PCDHA3: variants seen among roughly 807,000 people sequenced by gnomAD.
PCDHA3 encodes protocadherin alpha 3.
PCDHA3 carries 41 observed loss-of-function variants against 62.2 expected under a neutral mutation model. That is an observed-to-expected ratio of 0.66 (90% CI 0.51 to 0.86). PCDHA3 has a LOEUF of 0.86. Ranked by LOEUF, PCDHA3 falls within the 40% of genes least tolerant of loss-of-function variation. The probability of loss-of-function intolerance (pLI) is 0.00; values close to 1 mark genes in which losing one functional copy is unlikely to be tolerated. For synonymous variants in PCDHA3, 640 were observed against 555.4 expected, an observed-to-expected ratio of 1.15 and a Z score of -2.14; for missense variants, 1,304 against 1,241.2, an observed-to-expected ratio of 1.05 and a Z score of -0.76.
rs148144382 is a variant in PCDHA3 at position 140,914,978 on chromosome 5, G to C, written c.2395-63971G>C. On this transcript the variant is annotated intron_variant, in intron 1 of 3. Coordinates refer to ENST00000522353, the MANE Select transcript of PCDHA3 (RefSeq NM_018906.3). ...TTTTTTTTTTCTGAGTCAGAGTCTT[G>C]CTCTGCTACCAGGCTGGAGTGCAGT... Among the ~76,000 whole-genome samples the C allele has an allele frequency of 8.9e-3, 1,161 of 130,768 alleles. 6 individuals are homozygous for C. Among genetic ancestry groups the C allele is most frequent in the African/African-American group, 0.022 (758 of 34,950 alleles). 85.8% of individuals were successfully genotyped at this position (130,768 alleles called of 152,430 possible).
intron 1 of PCDHA3, chr5:140,967,766 T>C: frequency 6.2e-7 from 1 of 1,614,218 alleles, no homozygotes; most frequent in Non-Finnish European, 8.5e-7. Flanking sequence ...CTACCAGATC[T>C]ATGTGCAGGC....
At chr5:140,870,438 C>A in intron 1 of PCDHA3, 1 of 1,614,178 alleles carries the variant, frequency 6.2e-7, no homozygotes, top group Non-Finnish European at 8.5e-7. Context: ...TGGAGGTGGC[C>A]GACGTGAACG....
chr5:140,833,056 T>C (rs2150205806), intron 1 of PCDHA3, among the ~76,000 whole-genome samples: 1 of 152,172 alleles, frequency 6.6e-6, no homozygotes, highest in East Asian at 1.9e-4. Flanking sequence ...AAAAGTAATA[T>C]GAGAAAAACC....
At position 141,010,088 on chromosome 5, in the gene PCDHA3, C is replaced by T. The variant is rs1165296922; in HGVS notation, c.*151C>T. ...GAAAGTTCCCTGTGTCTGTCTAGAA[C>T]GCATTTAACAGGTTTTGTCGTAAAA... On this transcript the variant is annotated 3_prime_UTR_variant, in exon 4 of 4. Transcript: ENST00000522353. 2.0e-5 allele frequency: 33 copies of T among 1,612,012 alleles called. No homozygotes were observed. Among genetic ancestry groups the T allele is most frequent in the South Asian group, 4.4e-5 (4 of 90,728 alleles).
intron 3 of PCDHA3, among the ~76,000 whole-genome samples, chr5:140,989,525 GAGGA>G (rs2097345403): frequency 6.6e-6 from 1 of 152,218 alleles, no homozygotes; most frequent in African/African-American, 2.4e-5. Flanking sequence ...GAGGGCAGAG[GAGGA>G]AGATAGTTTG....
At chr5:140,805,601 A>G (rs116256026) in intron 1 of PCDHA3, 17,168 of 921,444 alleles carry the variant, frequency 0.019, 175 homozygotes, top group Non-Finnish European at 0.02. Context: ...TTTATATATT[A>G]AATTTCTTTA....
At chr5:140,838,058 CT>C in intron 1 of PCDHA3, among the ~76,000 whole-genome samples, 1 of 146,710 alleles carries the variant, frequency 6.8e-6, no homozygotes, top group East Asian at 2.0e-4. Context: ...TGGTTTTCCA[CT>C]TTAAGTTATA....
chr5:140,859,927 A>G (rs1296278263), intron 1 of PCDHA3: 2 of 152,054 alleles, frequency 1.3e-5, no homozygotes, highest in African/African-American at 2.4e-5. Context: ...AGTAATATAA[A>G]AAACTTAGTA....
chr5:140,832,014 A>T (rs2150199112), intron 1 of PCDHA3, among the ~76,000 whole-genome samples: 4 of 152,220 alleles, frequency 2.6e-5, no homozygotes, highest in Non-Finnish European at 5.9e-5. Context: ...CATTTTACGT[A>T]AAGATTGAAT....
chr5:140,946,611 A>AATATATATATAT lies in PCDHA3; in HGVS notation c.2395-32328_2395-32317dup, dbSNP rs1554217734. 3.4e-3 allele frequency among the ~76,000 whole-genome samples: 291 copies of AATATATATATAT among 86,770 alleles called. 7 individuals carry two copies. The highest frequency in any genetic ancestry group is 4.0e-3 in the Non-Finnish European group (186 of 46,640). 56.9% of individuals were successfully genotyped at this position (86,770 alleles called of 152,430 possible). A position where few individuals can be genotyped will look rare whatever the true frequency, so the allele number is the denominator to read the frequency against. On this transcript the variant is annotated intron_variant, in intron 1 of 3. Coordinates refer to ENST00000522353, the MANE Select transcript of PCDHA3 (RefSeq NM_018906.3). ...GGATGAATAGATAAAGAAAATGTGA[A>AATATATATATAT]ATATATATATATATATATATACAAT...
chr5:140,944,807 A>T (rs1472832230), intron 1 of PCDHA3, among the ~76,000 whole-genome samples: 1 of 152,214 alleles, frequency 6.6e-6, no homozygotes, highest in Non-Finnish European at 1.5e-5. Context: ...TCGAGGGTCC[A>T]CAGTGATCTT....
At chr5:140,804,394 A>C (rs1554123068) in intron 1 of PCDHA3, 4 of 152,040 alleles carry the variant, frequency 2.6e-5, no homozygotes, top group African/African-American at 7.2e-5. Context: ...GTGAAAATTT[A>C]ATAGTTGTAT....
rs1269379462 is a variant in PCDHA3, at chr5:141,005,696, C to T, written c.2543-3931C>T. 3.0e-4 allele frequency among the ~76,000 whole-genome samples: 31 copies of T among 105,030 alleles called. No individual in the cohort carries two copies. In the East Asian group the frequency reaches 8.2e-3, roughly 28 times the overall value. 68.9% of individuals were successfully genotyped at this position (105,030 alleles called of 152,430 possible). ...CAGCCTGGGCGACAGAGCGAAACTC[C>T]GTCTCAAAAAAAAAAAAAAAAAAAA... is the stretch of plus-strand genomic sequence containing the variant. On this transcript the variant is annotated intron_variant, in intron 3 of 3. Transcript: ENST00000522353.
intron 1 of PCDHA3, chr5:140,858,528 T>A (rs2045469480): frequency 1.4e-6 from 2 of 1,404,940 alleles, no homozygotes; most frequent in South Asian, 2.5e-5. Context: ...AATATTTCAT[T>A]TTTGTCTACA....
intron 1 of PCDHA3, chr5:140,825,965 G>A (rs1173825503): frequency 6.6e-6 from 1 of 152,292 alleles, no homozygotes; most frequent in African/African-American, 2.4e-5. Context: ...CTACTCTTTT[G>A]AGGGGAAAAG....
chr5:140,882,120 C>G, intron 1 of PCDHA3: 4 of 1,448,936 alleles, frequency 2.8e-6, no homozygotes. Flanking sequence ...GCCGCCGTTT[C>G]TTTCTTCCTG....
At chr5:140,812,299 T>C (rs1213941243) in intron 1 of PCDHA3, 1 of 152,100 alleles carries the variant, frequency 6.6e-6, no homozygotes, top group African/African-American at 2.4e-5. Context: ...TTTTGGTATA[T>C]GATTTTAAAA....
chr5:140,927,257 C>T, intron 1 of PCDHA3: 1 of 1,614,152 alleles, frequency 6.2e-7, no homozygotes, highest in Non-Finnish European at 8.5e-7. Flanking sequence ...GACAACTCAC[C>T]TCTCTTTCCT....
chr5:140,914,801 A>G (rs976508278), intron 1 of PCDHA3, among the ~76,000 whole-genome samples: 2 of 152,164 alleles, frequency 1.3e-5, no homozygotes, highest in African/African-American at 4.8e-5. Context: ...TTTTAAACTG[A>G]TGGCAACTTA....
Sources: gnomAD v4.1 joint callset for allele counts (sites outside exome capture counted in the v4.1 genomes callset) on GRCh38, gnomAD v4.1.1 for gene constraint, MANE v1.5 for transcripts, NCBI Gene and HGNC (gene_info 2026-07-23, HGNC 2026-07-21) for gene names.